TRRAP: variants seen among roughly 807,000 people sequenced by gnomAD.
TRRAP encodes the protein transformation/transcription domain-associated protein.
TRRAP carries 41 observed loss-of-function variants against 438.8 expected under a neutral mutation model. That is an observed-to-expected ratio of 0.09 (90% confidence interval 0.07 to 0.12). The LOEUF is 0.12. TRRAP is among the 10% of genes least tolerant of loss of function. TRRAP has a pLI of 1.00. For missense variants in TRRAP, 3,122 were observed against 5,055.1 expected (o/e 0.62, Z 11.60); for synonymous variants, 1,994 against 1,962.9 (o/e 1.02, Z -0.42).
At chr7:99,002,130 T>TGGGGGG (rs1562980307) in intron 67 of TRRAP, among the ~76,000 whole-genome samples, 2 of 37,400 alleles carry the variant, frequency 5.3e-5, no homozygotes. Context: ...GGCGGGGGGG[T>TGGGGGG]GGGGTGGTGG....
At chr7:98,967,895 C>A (rs1381733997) in intron 51 of TRRAP, among the ~76,000 whole-genome samples, 197 bp downstream of exon 51, 1 of 152,178 alleles carries the variant, frequency 6.6e-6, no homozygotes, top group African/African-American at 2.4e-5. Flanking sequence ...GATTTAAAAT[C>A]CTGTGTCAGA....
chr7:98,902,557 C>G (rs1796515834), intron 11 of TRRAP, among the ~76,000 whole-genome samples: 1 of 151,068 alleles, frequency 6.6e-6, no homozygotes, highest in Non-Finnish European at 1.5e-5. Context: ...AATTTTAATG[C>G]ATATGATTAG....
At chr7:99,003,773 G>A (rs1017465336) in intron 67 of TRRAP, among the ~76,000 whole-genome samples, 1 of 152,206 alleles carries the variant, frequency 6.6e-6, no homozygotes, top group Non-Finnish European at 1.5e-5. Context: ...TGTATAAAAC[G>A]TGTAATTCGG....
At chr7:98,904,259 G>A (rs187717553) in intron 12 of TRRAP, among the ~76,000 whole-genome samples, 87 of 152,048 alleles carry the variant, frequency 5.7e-4, no homozygotes, top group East Asian at 5.7e-3. Flanking sequence ...CGAGGCGAGC[G>A]GATCACGAGG....
At chr7:98,966,895 A>T in intron 49 of TRRAP, 146 bp from the exon 50 acceptor site, 1 of 731,970 alleles carries the variant, frequency 1.4e-6, no homozygotes. Flanking sequence ...TCTTGATTTT[A>T]AGCATCCAAA....
chr7:98,961,607 C>G lies in TRRAP; in HGVS notation c.6703+133C>G, dbSNP rs749186704. 3.9e-4 allele frequency: 436 copies of G among 1,126,852 alleles called. 1 individual carries two copies. Among genetic ancestry groups the G allele is most frequent in the Non-Finnish European group, 4.6e-4 (370 of 799,736 alleles). 69.8% of individuals were successfully genotyped at this position (1,126,852 alleles called of 1,614,324 possible). ...ACTTTCCTTTCTACTTGCAAACTTT[C>G]TTTTAAAAACTGACATGGAAACATA... On this transcript the variant is annotated intron_variant, in intron 46 of 72. Coordinates refer to ENST00000456197, the MANE Select transcript of TRRAP (RefSeq NM_001375524.1).
intron 1 of TRRAP, among the ~76,000 whole-genome samples, chr7:98,879,123 C>T (rs909373926): frequency 6.6e-6 from 1 of 152,204 alleles, no homozygotes; most frequent in Non-Finnish European, 1.5e-5. Context: ...GCGGCGCCGC[C>T]TCAGGCCGGG....
chr7:98,882,114 C>T (rs1027554458), intron 3 of TRRAP, 90 bp downstream of exon 3: 1 of 1,075,410 alleles, frequency 9.3e-7, no homozygotes, highest in Non-Finnish European at 1.3e-6. Flanking sequence ...TTACTAGCAA[C>T]TCAAAGATCA....
At chr7:98,899,552 T>G in intron 9 of TRRAP, 53 bp downstream of exon 9, 1 of 1,608,700 alleles carries the variant, frequency 6.2e-7, no homozygotes, top group Non-Finnish European at 8.5e-7. Context: ...ATAAGAAAAT[T>G]GGCATCTGGG....
At chr7:98,957,894 A>T in intron 43 of TRRAP, 87 bp from the exon 44 acceptor site, 1 of 1,118,704 alleles carries the variant, frequency 8.9e-7, no homozygotes, top group East Asian at 2.6e-5. Flanking sequence ...GAGGTACCGC[A>T]TACCCATTAG....
In TRRAP at chr7:98,966,924, T is replaced by C. The variant is rs530263657; in HGVS notation, c.7177-117T>C. The C allele has an allele frequency of 3.1e-4, 334 of 1,091,166 alleles. 2 individuals carry two copies. In the African/African-American group the frequency reaches 3.8e-3, roughly 12 times the overall value. 67.6% of individuals were successfully genotyped at this position (1,091,166 alleles called of 1,614,324 possible). A position where few individuals can be genotyped will look rare whatever the true frequency, so the allele number is the denominator to read the frequency against. On this transcript the variant is annotated intron_variant, in intron 49 of 72. Coordinates refer to ENST00000456197, the MANE Select transcript of TRRAP (RefSeq NM_001375524.1). ...ATCCAAAGATAAAGCCATCTTTGCCTTACTGTTTAGGAATGACCTTGTCTT... is the reference window on the plus strand; with the variant it reads ...ATCCAAAGATAAAGCCATCTTTGCCCTACTGTTTAGGAATGACCTTGTCTT...
At chr7:98,889,969 T>C (rs192062763) in intron 3 of TRRAP, among the ~76,000 whole-genome samples, 1 of 152,284 alleles carries the variant, frequency 6.6e-6, no homozygotes, top group Non-Finnish European at 1.5e-5. Context: ...AACTAATACA[T>C]TGGTTTGCTC....
At chr7:98,965,535 G>GT (rs1008133255) in intron 48 of TRRAP, among the ~76,000 whole-genome samples, 161 bp from the exon 49 acceptor site, 4 of 152,170 alleles carry the variant, frequency 2.6e-5, no homozygotes, top group Admixed American at 2.6e-4. Context: ...CAAGATGCAC[G>GT]TAAGAACATA....
intron 22 of TRRAP, among the ~76,000 whole-genome samples, chr7:98,925,987 A>C (rs1790031014): frequency 6.6e-6 from 1 of 152,222 alleles, no homozygotes; most frequent in African/African-American, 2.4e-5. Flanking sequence ...CTAGGTTGTA[A>C]CTATGCTTAG....
chr7:98,978,441 C>T, intron 57 of TRRAP, 118 bp downstream of exon 57: 1 of 925,014 alleles, frequency 1.1e-6, no homozygotes, highest in Non-Finnish European at 1.7e-6. Flanking sequence ...TTTATGGCCA[C>T]ATAAAGAACA....
chr7:98,964,814 G>C lies in TRRAP; in HGVS notation c.6976+39G>C, dbSNP rs781472329. 1.9e-6 allele frequency: 3 copies of C among 1,589,782 alleles called. No homozygotes were observed. In the South Asian group the frequency reaches 3.5e-5, roughly 18 times the overall value. ...CACCGGGGGCCTTTCCTCAGACTCT[G>C]TTGAACAGAGAACAGACTCTGTTGT... is the stretch of plus-strand genomic sequence containing the variant. On this transcript the variant is annotated intron_variant, in intron 48 of 72. Transcript: ENST00000456197.
chr7:98,908,881 G>A lies in TRRAP; in HGVS notation c.1269G>A (p.Leu423=), dbSNP rs782605840. Residue 423 remains leucine, a synonymous_variant, in exon 14 of 73, where the codon CTG becomes CTA. Transcript: ENST00000456197. The surrounding 1 kb of genome is among the most constrained non-coding windows in gnomAD (Gnocchi z 4.1). ...SSIQTMSCKL[L]LNLVDCIRSK... Reference sequence around the variant, plus strand: ...TCCAGACCATGTCCTGCAAGCTCCTGCTGAACCTGGTGGACTGCATCCGTT... The same window carrying A: ...TCCAGACCATGTCCTGCAAGCTCCTACTGAACCTGGTGGACTGCATCCGTT... 1 of 1,614,068 alleles carries A rather than the reference G, an allele frequency of 6.2e-7. No homozygotes were observed. Among genetic ancestry groups the A allele is most frequent in the Admixed American group, 1.7e-5 (1 of 60,012 alleles).
At chr7:98,990,264 T>A (rs1562974133) in intron 63 of TRRAP, among the ~76,000 whole-genome samples, 191 bp from the exon 64 acceptor site, 1 of 152,180 alleles carries the variant, frequency 6.6e-6, no homozygotes, top group Non-Finnish European at 1.5e-5. Context: ...GAAAATCTAT[T>A]TTTAAATTTT....
intron 3 of TRRAP, among the ~76,000 whole-genome samples, chr7:98,888,446 A>G (rs536558040): frequency 6.6e-6 from 1 of 151,544 alleles, no homozygotes; most frequent in Admixed American, 6.6e-5. Context: ...CTGAGGCAGG[A>G]GAATCACTTG....
Sources: allele counts gnomAD v4.1 joint callset (sites outside exome capture counted in the v4.1 genomes callset), GRCh38; gene constraint gnomAD v4.1.1; non-coding constraint Gnocchi (gnomAD v3.1); transcripts MANE v1.5; gene names NCBI Gene and HGNC (gene_info 2026-07-23, HGNC 2026-07-21).